STXBP4: variants seen among roughly 807,000 people sequenced by gnomAD.
STXBP4 encodes syntaxin binding protein 4, also known as syntaxin-binding protein 4.
Under a neutral mutation model 76.1 loss-of-function variants are expected in STXBP4, and 55 were observed. That is an observed-to-expected ratio of 0.72 (90% CI 0.58 to 0.91). STXBP4 has a LOEUF of 0.91. STXBP4 is among the 40% of genes least tolerant of loss of function. The pLI, the probability that STXBP4 is intolerant of heterozygous loss-of-function variation, is 0.00. For synonymous variants in STXBP4, 201 were observed against 220.2 expected, an observed-to-expected ratio of 0.91 and a Z score of 0.77; for missense variants, 618 against 636.9, an observed-to-expected ratio of 0.97 and a Z score of 0.32.
intron 11 of STXBP4, 59 bp downstream of exon 11, chr17:55,043,384 T>G (rs1306433076): frequency 9.6e-7 from 1 of 1,037,000 alleles, no homozygotes; most frequent in East Asian, 2.8e-5. Flanking sequence ...AAGAAAAAAA[T>G]CCTATATTGG....
At chr17:55,137,861 T>C (rs1012965830) in intron 16 of STXBP4, among the ~76,000 whole-genome samples, 1 of 152,142 alleles carries the variant, frequency 6.6e-6, no homozygotes, top group Non-Finnish European at 1.5e-5. Flanking sequence ...TGAGAATGAC[T>C]GTCTCTTCAC....
At chr17:55,180,065 A>C in the STXBP4 span, among the ~76,000 whole-genome samples, 2 of 152,184 alleles carry the variant, frequency 1.3e-5, no homozygotes, top group Non-Finnish European at 2.9e-5. Flanking sequence ...TGAGCTTGAC[A>C]TGAAGCCCTG....
chr17:55,090,601 A>C (rs1420031254), intron 16 of STXBP4, among the ~76,000 whole-genome samples: 1 of 152,202 alleles, frequency 6.6e-6, no homozygotes, highest in Non-Finnish European at 1.5e-5. Context: ...ATGAATAAAA[A>C]TGTATAACAT....
In STXBP4 at chr17:54,991,632, G is replaced by A. The variant is rs186488767; in HGVS notation, c.180+675G>A. On this transcript the variant is annotated intron_variant, in intron 4 of 17. Coordinates refer to ENST00000376352, the MANE Select transcript of STXBP4 (RefSeq NM_178509.6). ...TTTGCTGTTTCTGTTTTACTAAAGT[G>A]ATTATGTGTCATTTTTTGAAAATTG... 304 of 151,732 alleles carry A rather than the reference G, an allele frequency of 2.0e-3. 2 individuals are homozygous for A. The highest frequency in any genetic ancestry group is 6.9e-3 in the African/African-American group (284 of 41,450). 9.4% of individuals were successfully genotyped at this position (151,732 alleles called of 1,614,324 possible).
At chr17:55,201,160 G>A in the STXBP4 span, among the ~76,000 whole-genome samples, 1 of 152,198 alleles carries the variant, frequency 6.6e-6, no homozygotes, top group Non-Finnish European at 1.5e-5. Flanking sequence ...CCATGGCAGC[G>A]GGTAAGCTGT....
chr17:55,069,736 T>C (rs1252333215), intron 12 of STXBP4, among the ~76,000 whole-genome samples: 1 of 152,180 alleles, frequency 6.6e-6, no homozygotes, highest in Non-Finnish European at 1.5e-5. Context: ...CATTTCACAC[T>C]GTATTACCAT....
At chr17:55,213,112 A>C in the STXBP4 span, among the ~76,000 whole-genome samples, 4 of 152,112 alleles carry the variant, frequency 2.6e-5, no homozygotes, top group African/African-American at 9.6e-5. Context: ...TCCAGCAGAG[A>C]GTAGATGCGG....
At chr17:55,050,680 T>C (rs1434743160) in intron 12 of STXBP4, among the ~76,000 whole-genome samples, 1 of 152,166 alleles carries the variant, frequency 6.6e-6, no homozygotes, top group Non-Finnish European at 1.5e-5. Flanking sequence ...TGTTTGTTTG[T>C]TTTTGTTTTA....
At chr17:55,002,145 A>C (rs72833242) in intron 7 of STXBP4, among the ~76,000 whole-genome samples, 3,611 of 152,278 alleles carry the variant, frequency 0.024, 97 homozygotes, top group Admixed American at 0.079. Context: ...TTAAACTGGG[A>C]ACCCTTATGA....
chr17:55,107,321 T>A (rs1370576376), intron 16 of STXBP4, among the ~76,000 whole-genome samples: 13 of 152,192 alleles, frequency 8.5e-5, no homozygotes, highest in Non-Finnish European at 1.5e-5. Flanking sequence ...CTGGTTATTC[T>A]AGTTAGCAAT....
At chr17:55,085,923 A>T (rs921918971) in intron 16 of STXBP4, among the ~76,000 whole-genome samples, 1 of 152,204 alleles carries the variant, frequency 6.6e-6, no homozygotes, top group African/African-American at 2.4e-5. Flanking sequence ...GGGTTTTAGG[A>T]GGAATGAAAA....
At chr17:55,182,935 G>A in the STXBP4 span, among the ~76,000 whole-genome samples, 1 of 152,022 alleles carries the variant, frequency 6.6e-6, no homozygotes, top group Non-Finnish European at 1.5e-5. Context: ...GTTAAAGGAA[G>A]TTTTTAAGAA....
At position 54,990,851 on chromosome 17, in the gene STXBP4, T is replaced by C. The variant is rs763415470; in HGVS notation, c.74T>C (p.Ile25Thr). 6.2e-6 allele frequency: 10 copies of C among 1,605,696 alleles called. No homozygotes were observed. The highest frequency in any genetic ancestry group is 7.6e-6 in the Non-Finnish European group (9 of 1,177,216). ...EKDPAFQMIT[I>T]AKETGLGLKV... The stretch of plus-strand genomic sequence containing the variant: ...GATCCTGCCTTTCAGATGATTACAA[T>C]TGCCAAGGAAACAGGCCTTGGCCTG... The change falls in exon 4 of 18, where the codon ATT becomes ACT. Residue 25 changes from isoleucine to threonine, a missense_variant. By Grantham distance (89) the Ile-to-Thr change is moderately conservative (BLOSUM62 -1). Transcript: ENST00000376352.
intron 3 of STXBP4, among the ~76,000 whole-genome samples, chr17:54,989,201 G>A (rs952962041): frequency 2.0e-5 from 3 of 152,114 alleles, no homozygotes; most frequent in Admixed American, 6.5e-5. Flanking sequence ...TCTGCCTCCC[G>A]GGTTCACGCC....
At chr17:55,014,993 C>A (rs759856803) in intron 8 of STXBP4, among the ~76,000 whole-genome samples, 8 of 151,818 alleles carry the variant, frequency 5.3e-5, no homozygotes, top group Non-Finnish European at 1.0e-4. Flanking sequence ...TTGCCAAGTT[C>A]AATAGGGTTT....
intron 12 of STXBP4, among the ~76,000 whole-genome samples, chr17:55,068,256 T>G (rs556353117): frequency 6.6e-6 from 1 of 152,268 alleles, no homozygotes; most frequent in South Asian, 2.1e-4. Flanking sequence ...AAGTATTCTT[T>G]AGGGCTTGGT....
rs560516130 is a variant in STXBP4, at chr17:55,145,296, C to T, written c.1547+3929C>T. Among the ~76,000 whole-genome samples the T allele has an allele frequency of 5.9e-5, 9 of 152,242 alleles. No homozygotes were observed. The East Asian group carries it at 1.7e-3, about 29-fold the overall frequency. On this transcript the variant is annotated intron_variant, in intron 17 of 17. Coordinates refer to ENST00000376352, the MANE Select transcript of STXBP4 (RefSeq NM_178509.6). ...TGATTCATTTACCATATAGATGATG[C>T]TTTGAAGGCAAGAAATAATAAGTAA... is the stretch of plus-strand genomic sequence containing the variant.
chr17:55,137,844 A>G (rs1353346885), intron 16 of STXBP4, among the ~76,000 whole-genome samples: 1 of 152,136 alleles, frequency 6.6e-6, no homozygotes, highest in Non-Finnish European at 1.5e-5. Context: ...TAATACTTCC[A>G]TCAATATGAG....
chr17:54,982,246 A>C (rs1383958172), intron 1 of STXBP4, among the ~76,000 whole-genome samples: 1 of 152,182 alleles, frequency 6.6e-6, no homozygotes, highest in Non-Finnish European at 1.5e-5. Context: ...ATGTCTGAGA[A>C]TATAAATTAC....
Sources: allele counts gnomAD v4.1 joint callset (sites outside exome capture counted in the v4.1 genomes callset), GRCh38; gene constraint gnomAD v4.1.1; transcripts MANE v1.5; gene names NCBI Gene and HGNC (gene_info 2026-07-23, HGNC 2026-07-21).